Variants in PHTF2 observed in about 807,000 individuals in gnomAD.
PHTF2 encodes putative homeodomain transcription factor 2.
In PHTF2, 60 loss-of-function variants were observed where a neutral mutation model predicts 101.2. That is an observed-to-expected ratio of 0.59 (90% CI 0.48 to 0.73). PHTF2 has a LOEUF of 0.73. PHTF2 is among the 30% of genes least tolerant of loss of function. The pLI is 0.00. For synonymous variants in PHTF2, 311 were observed against 307.3 expected (o/e 1.01, Z -0.13); for missense variants, 747 against 908.7 (o/e 0.82, Z 2.29).
intron 3 of PHTF2, among the ~76,000 whole-genome samples, chr7:77,869,127 A>AT (rs1163288841): frequency 3.9e-5 from 6 of 151,976 alleles, no homozygotes; most frequent in Non-Finnish European, 7.4e-5. Context: ...CATCTGTTTC[A>AT]TTTTTTCAGT....
At chr7:77,862,904 T>C (rs1797759468) in intron 3 of PHTF2, among the ~76,000 whole-genome samples, 1 of 152,222 alleles carries the variant, frequency 6.6e-6, no homozygotes, top group African/African-American at 2.4e-5. Context: ...TAACCTGCTG[T>C]ATGTTTACAG....
chr7:77,855,086 C>T (rs140419515), intron 3 of PHTF2, among the ~76,000 whole-genome samples: 1 of 152,354 alleles, frequency 6.6e-6, no homozygotes, highest in African/African-American at 2.4e-5. Context: ...ACACCCAAAG[C>T]CAGCAGGACC....
chr7:77,817,998 T>C (rs1275529350), intron 1 of PHTF2, among the ~76,000 whole-genome samples: 1 of 151,640 alleles, frequency 6.6e-6, no homozygotes, highest in Non-Finnish European at 1.5e-5. Context: ...TAATCCCAGC[T>C]ACTTGGGAGG....
rs569319677 is a variant in PHTF2, at chr7:77,932,973, C to A, written c.1338+3646C>A. Reference sequence around the variant, plus strand: ...AGAGTAAGTGTTCAATAAATAGTTGCCACGCCTGTAATCCCAGCACTTTGG... The same window carrying A: ...AGAGTAAGTGTTCAATAAATAGTTGACACGCCTGTAATCCCAGCACTTTGG... On this transcript the variant is annotated intron_variant, in intron 12 of 19. Coordinates refer to ENST00000416283, the Ensembl canonical transcript of PHTF2. Among the ~76,000 whole-genome samples, 6 of 152,122 alleles carry A rather than the reference C, an allele frequency of 3.9e-5. No homozygotes were observed. In the East Asian group the frequency reaches 7.7e-4, roughly 20 times the overall value.
intron 9 of PHTF2, among the ~76,000 whole-genome samples, chr7:77,911,374 T>C (rs558824986): frequency 6.3e-4 from 96 of 152,104 alleles, no homozygotes; most frequent in Non-Finnish European, 1.1e-3. Flanking sequence ...ACAGCAAACA[T>C]TAAAAAAAAC....
chr7:77,956,013 C>T lies in PHTF2; in HGVS notation c.*1135C>T, dbSNP rs543518335. 23 of 152,646 alleles carry T rather than the reference C, an allele frequency of 1.5e-4. 1 individual carries two copies. The highest frequency in any genetic ancestry group is 1.4e-3 in the Admixed American group (22 of 15,294). 9.5% of individuals were successfully genotyped at this position (152,646 alleles called of 1,614,324 possible). On this transcript the variant is annotated 3_prime_UTR_variant, in exon 20 of 20. Transcript: ENST00000416283. Reference sequence around the variant, plus strand: ...CCCCAACAAATAATTTGCCAAGTGTCCAATGAGAACTTATCATGTTGGTGT... The same window carrying T: ...CCCCAACAAATAATTTGCCAAGTGTTCAATGAGAACTTATCATGTTGGTGT...
chr7:77,934,168 C>G (rs1380015045), intron 12 of PHTF2, among the ~76,000 whole-genome samples: 2 of 152,112 alleles, frequency 1.3e-5, no homozygotes, highest in South Asian at 2.1e-4. Context: ...CTTTTTCTGT[C>G]TGCTATACAG....
chr7:77,886,550 A>G (rs898219675), intron 3 of PHTF2, among the ~76,000 whole-genome samples: 7 of 152,090 alleles, frequency 4.6e-5, no homozygotes, highest in Non-Finnish European at 1.0e-4. Context: ...ATAGAAACAT[A>G]TAAAATTAGA....
At chr7:77,875,431 G>A (rs982216189) in intron 3 of PHTF2, among the ~76,000 whole-genome samples, 8 of 151,942 alleles carry the variant, frequency 5.3e-5, no homozygotes, top group Admixed American at 5.2e-4. Context: ...CTATTTCCAG[G>A]CTTGTTATAA....
intron 2 of PHTF2, among the ~76,000 whole-genome samples, chr7:77,850,542 A>G (rs1021941967): frequency 6.7e-6 from 1 of 148,788 alleles, no homozygotes; most frequent in Non-Finnish European, 1.5e-5. Context: ...CTTGGGAGGT[A>G]GAGGCAGGAG....
intron 1 of PHTF2, among the ~76,000 whole-genome samples, chr7:77,806,318 T>C (rs1266799232): frequency 6.6e-6 from 1 of 152,226 alleles, no homozygotes; most frequent in Non-Finnish European, 1.5e-5. Context: ...ATTCTTTAAA[T>C]TTTTGCATTA....
At chr7:77,954,510 A>C (rs1434078769) in intron 19 of PHTF2, among the ~76,000 whole-genome samples, 1 of 151,440 alleles carries the variant, frequency 6.6e-6, no homozygotes. Flanking sequence ...ATTTTTGGCC[A>C]AAAGTTGTAT....
intron 9 of PHTF2, among the ~76,000 whole-genome samples, chr7:77,912,710 C>A (rs1032156417): frequency 3.7e-5 from 3 of 80,438 alleles, no homozygotes; most frequent in African/African-American, 9.6e-5. Context: ...AGAGAACCAC[C>A]TTTTTTTTTT....
intron 10 of PHTF2, among the ~76,000 whole-genome samples, chr7:77,921,778 A>G (rs981495217): frequency 1.3e-5 from 2 of 152,138 alleles, no homozygotes; most frequent in Non-Finnish European, 2.9e-5. Context: ...CGTATGCTCT[A>G]GAGTCATTTA....
chr7:77,876,904 C>G (rs535396466), intron 3 of PHTF2, among the ~76,000 whole-genome samples: 13 of 152,192 alleles, frequency 8.5e-5, no homozygotes, highest in African/African-American at 3.1e-4. Context: ...TCAGATAACA[C>G]TTATCAAAAA....
intron 3 of PHTF2, among the ~76,000 whole-genome samples, chr7:77,881,040 G>A (rs35289785): frequency 0.16 from 24,299 of 152,006 alleles, 2,200 homozygotes; most frequent in African/African-American, 0.24. Flanking sequence ...GTCTCTCCAA[G>A]TGGTTGTTTT....
intron 7 of PHTF2, among the ~76,000 whole-genome samples, chr7:77,904,259 T>C (rs534324103): frequency 6.6e-6 from 1 of 152,242 alleles, no homozygotes; most frequent in Non-Finnish European, 1.5e-5. Flanking sequence ...TATGTGTCTT[T>C]GGACATGCAA....
intron 13 of PHTF2, among the ~76,000 whole-genome samples, chr7:77,938,899 G>T (rs1467955215): frequency 6.6e-6 from 1 of 152,198 alleles, no homozygotes; most frequent in Non-Finnish European, 1.5e-5. Flanking sequence ...TCCACACTTT[G>T]TGTAAGACAG....
At chr7:77,923,938 G>A (rs1803718828) in intron 11 of PHTF2, 1 of 958,408 alleles carries the variant, frequency 1.0e-6, no homozygotes, top group African/African-American at 1.8e-5. Context: ...TTAAAATCTT[G>A]ATTTCCAGCT....
Sources: allele counts gnomAD v4.1 joint callset (sites outside exome capture counted in the v4.1 genomes callset), GRCh38; gene constraint gnomAD v4.1.1; transcripts MANE v1.5; gene names NCBI Gene and HGNC (gene_info 2026-07-23, HGNC 2026-07-21).